CDH18: variants seen among roughly 807,000 people sequenced by gnomAD.
The protein encoded by CDH18 is cadherin 18, also known as cadherin-18.
Under a neutral mutation model 67.9 loss-of-function variants are expected in CDH18, and 31 were observed. The ratio of observed to expected loss-of-function variants is 0.46; its 90% CI spans 0.34 to 0.62. The LOEUF (loss-of-function observed/expected upper bound fraction) is 0.62, where lower values mean the gene tolerates loss of function less well. Ranked by LOEUF, CDH18 falls within the 20% of genes least tolerant of loss-of-function variation. The pLI is 0.01. For missense variants in CDH18, 890 were observed against 975.5 expected (o/e 0.91, Z 1.17); for synonymous variants, 362 against 347.2 (o/e 1.04, Z -0.48).
chr5:19,479,923 A>G (rs1739119729), intron 12 of CDH18, among the ~76,000 whole-genome samples: 1 of 152,230 alleles, frequency 6.6e-6, no homozygotes, highest in Admixed American at 6.5e-5. Context: ...ACCCCAAATG[A>G]GAAAACATTT....
At chr5:20,407,710 G>GA (rs1003916051) in intron 1 of CDH18, among the ~76,000 whole-genome samples, 44 of 121,084 alleles carry the variant, frequency 3.6e-4, no homozygotes, top group Admixed American at 1.8e-3. Flanking sequence ...AGTCAGAAAA[G>GA]AAAAAAAAAT....
intron 3 of CDH18, among the ~76,000 whole-genome samples, chr5:19,808,832 CAA>C (rs1173922790): frequency 0.011 from 598 of 53,880 alleles, no homozygotes; most frequent in South Asian, 0.023. Context: ...AACTCTGTCT[CAA>C]AAAAAAAAAA....
chr5:19,883,078 T>C (rs1329533485), intron 2 of CDH18, among the ~76,000 whole-genome samples: 3 of 152,196 alleles, frequency 2.0e-5, no homozygotes, highest in Non-Finnish European at 2.9e-5. Context: ...CTGTGCAAGA[T>C]ACTCTGCCTC....
intron 5 of CDH18, among the ~76,000 whole-genome samples, chr5:19,626,186 G>A (rs1751513702): frequency 6.6e-6 from 1 of 152,046 alleles, no homozygotes; most frequent in Admixed American, 6.6e-5. Flanking sequence ...CAACACTAAA[G>A]CAAAATAACA....
chr5:20,457,749 A>G (rs899928627), intron 1 of CDH18, among the ~76,000 whole-genome samples: 4 of 152,184 alleles, frequency 2.6e-5, no homozygotes, highest in African/African-American at 9.7e-5. Flanking sequence ...GCCTTAAGAT[A>G]ACTAATGTGG....
chr5:19,515,971 T>G (rs1211769220), intron 10 of CDH18, among the ~76,000 whole-genome samples: 2 of 152,212 alleles, frequency 1.3e-5, no homozygotes, highest in African/African-American at 4.8e-5. Flanking sequence ...TTCAGTATGA[T>G]ATTGGCTGTG....
chr5:19,894,156 A>T (rs1789054316), intron 2 of CDH18, among the ~76,000 whole-genome samples: 1 of 152,088 alleles, frequency 6.6e-6, no homozygotes, highest in African/African-American at 2.4e-5. Context: ...AAGAATCTCT[A>T]GAAAAAATCC....
chr5:20,325,748 A>G (rs1052235532), intron 1 of CDH18, among the ~76,000 whole-genome samples: 1 of 151,744 alleles, frequency 6.6e-6, no homozygotes, highest in Non-Finnish European at 1.5e-5. Context: ...CCTTACAATC[A>G]TCCTTTCCAA....
At chr5:20,136,899 G>C (rs1749775200) in intron 2 of CDH18, among the ~76,000 whole-genome samples, 1 of 152,168 alleles carries the variant, frequency 6.6e-6, no homozygotes, top group Non-Finnish European at 1.5e-5. Flanking sequence ...TTTTCTTTAA[G>C]AATGTTGAAT....
intron 2 of CDH18, among the ~76,000 whole-genome samples, chr5:19,976,932 C>T (rs1798561052): frequency 6.6e-6 from 1 of 152,000 alleles, no homozygotes; most frequent in Non-Finnish European, 1.5e-5. Flanking sequence ...TTAAATAACA[C>T]TTGATTTTTA....
chr5:20,271,020 A>T (rs1745398243), intron 1 of CDH18, among the ~76,000 whole-genome samples: 1 of 152,090 alleles, frequency 6.6e-6, no homozygotes, highest in Non-Finnish European at 1.5e-5. Flanking sequence ...ATCAAGAGAG[A>T]TAACTAAATG....
At chr5:20,116,013 G>T (rs1747878158) in intron 2 of CDH18, among the ~76,000 whole-genome samples, 1 of 152,154 alleles carries the variant, frequency 6.6e-6, no homozygotes, top group Non-Finnish European at 1.5e-5. Context: ...GTCATTTAAA[G>T]TAATGGCAAA....
intron 2 of CDH18, among the ~76,000 whole-genome samples, chr5:20,232,112 T>C (rs1167218998): frequency 6.6e-6 from 1 of 152,034 alleles, no homozygotes; most frequent in Non-Finnish European, 1.5e-5. Context: ...ACTAAAATAT[T>C]TGAAAGATTG....
intron 2 of CDH18, among the ~76,000 whole-genome samples, chr5:20,232,063 A>G (rs1742120637): frequency 6.6e-6 from 1 of 152,132 alleles, no homozygotes; most frequent in Non-Finnish European, 1.5e-5. Flanking sequence ...TCTTTAAGAG[A>G]AAAGAGCAAA....
At chr5:20,234,214 T>A (rs1488804096) in intron 2 of CDH18, among the ~76,000 whole-genome samples, 1 of 152,120 alleles carries the variant, frequency 6.6e-6, no homozygotes, top group South Asian at 2.1e-4. Context: ...AGCAGGATCA[T>A]CCAAGCAACC....
At chr5:19,822,031 C>G (rs77399890) in intron 3 of CDH18, among the ~76,000 whole-genome samples, 3 of 152,052 alleles carry the variant, frequency 2.0e-5, no homozygotes, top group African/African-American at 7.2e-5. Context: ...TAGTGACAGA[C>G]CCTTAAAAGT....
chr5:19,662,432 A>G (rs1224905472), intron 5 of CDH18, among the ~76,000 whole-genome samples: 1 of 152,050 alleles, frequency 6.6e-6, no homozygotes, highest in Non-Finnish European at 1.5e-5. Context: ...GGTAAATATA[A>G]CCATACAAAA....
chr5:20,167,847 C>T lies in CDH18; in HGVS notation c.-518+87597G>A, dbSNP rs1736411680. On this transcript the variant is annotated intron_variant, in intron 2 of 14. Coordinates refer to the CDH18 transcript ENST00000507958. Reference sequence around the variant, plus strand: ...CACTTGGACCTCAATCTACTTTCTGCCTGATATCTCTTGCCAGGGCACCAA... The same window carrying T: ...CACTTGGACCTCAATCTACTTTCTGTCTGATATCTCTTGCCAGGGCACCAA... Among the ~76,000 whole-genome samples, 4 of 152,132 alleles carry T rather than the reference C, an allele frequency of 2.6e-5. 1 individual carries two copies. In the South Asian group the frequency reaches 8.3e-4, roughly 32 times the overall value.
At chr5:19,825,507 G>C (rs1248259443) in intron 3 of CDH18, among the ~76,000 whole-genome samples, 1 of 152,082 alleles carries the variant, frequency 6.6e-6, no homozygotes, top group Non-Finnish European at 1.5e-5. Flanking sequence ...GATTAGGGCT[G>C]ACACCGCAAG....
Sources: allele counts gnomAD v4.1 joint callset (sites outside exome capture counted in the v4.1 genomes callset), GRCh38; gene constraint gnomAD v4.1.1; transcripts MANE v1.5; gene names NCBI Gene and HGNC (gene_info 2026-07-23, HGNC 2026-07-21).